The following NPLOC4 variants were observed in gnomAD, a reference collection of about 807,000 sequenced individuals.
NPLOC4 encodes nuclear protein localization protein 4 homolog.
Under a neutral mutation model 80.6 loss-of-function variants are expected in NPLOC4, and 18 were observed. That is an observed-to-expected ratio of 0.22 (90% CI 0.15 to 0.33). The LOEUF (loss-of-function observed/expected upper bound fraction) is 0.33, where lower values mean the gene tolerates loss of function less well. Among genes scored for constraint, NPLOC4 ranks in the 10% least tolerant of loss-of-function variants. NPLOC4 has a pLI of 1.00. For missense variants in NPLOC4, 540 were observed against 786.1 expected (o/e 0.69, Z 3.74); for synonymous variants, 313 against 301.5 (o/e 1.04, Z -0.39).
At chr17:81,618,226 G>A (rs1318289835) in intron 3 of NPLOC4, among the ~76,000 whole-genome samples, 4 of 151,044 alleles carry the variant, frequency 2.6e-5, no homozygotes, top group East Asian at 4.0e-4. Context: ...GCCTCTTTCC[G>A]GCCGCCATCC....
intron 2 of NPLOC4, among the ~76,000 whole-genome samples, chr17:81,625,037 CAA>C (rs920299807): frequency 6.6e-5 from 10 of 152,074 alleles, no homozygotes; most frequent in African/African-American, 2.4e-4. Flanking sequence ...CAATTAGAGA[CAA>C]GAGAGATGGG....
At chr17:81,607,515 G>A (rs901390786) in intron 6 of NPLOC4, among the ~76,000 whole-genome samples, 4 of 152,146 alleles carry the variant, frequency 2.6e-5, no homozygotes, top group African/African-American at 9.7e-5. Flanking sequence ...ACTGTGGAAC[G>A]GCTAAATTGA....
chr17:81,617,330 T>C (rs2144272722), intron 3 of NPLOC4, among the ~76,000 whole-genome samples: 1 of 152,262 alleles, frequency 6.6e-6, no homozygotes, highest in East Asian at 1.9e-4. Flanking sequence ...TGCAGTGCAG[T>C]GGCACAATCA....
At chr17:81,588,544 C>A (rs184193604) in intron 12 of NPLOC4, among the ~76,000 whole-genome samples, 2 of 152,286 alleles carry the variant, frequency 1.3e-5, no homozygotes, top group East Asian at 3.9e-4. Context: ...GACACAGTCT[C>A]GCTATGTTGC....
In NPLOC4 at chr17:81,637,028, G is replaced by T; in HGVS notation, c.-98C>A. 1 of 713,552 alleles carries T rather than the reference G, an allele frequency of 1.4e-6. No homozygotes were observed. Among genetic ancestry groups the T allele is most frequent in the South Asian group, 6.7e-5 (1 of 14,956 alleles). The allele number at this position is 713,552 out of a possible 1,614,324, so 44.2% of individuals were successfully genotyped here. ...GGCCGCGGCCTCAGCCCCGGCCCCG[G>T]CCTCCCTACGCCGCCGCCACCGCCG... On this transcript the variant is annotated 5_prime_UTR_variant, in exon 1 of 17. Coordinates refer to ENST00000331134, the MANE Select transcript of NPLOC4 (RefSeq NM_017921.4).
chr17:81,559,337 C>T lies in NPLOC4; in HGVS notation c.1749G>A (p.Met583Ile). 6.2e-7 allele frequency: 1 copy of T among 1,607,018 alleles called. No individual in the cohort carries two copies. Among genetic ancestry groups the T allele is most frequent in the Non-Finnish European group, 8.5e-7 (1 of 1,177,244 alleles). ...TGAACGTGCAGTGCTGACAGGCCCA[C>T]ATGGCTGCAGTGGCCGTGTGTGTGG... ...GGSTHTATAA[M>I]WACQHCTFMN... Residue 583 changes from methionine (M) to isoleucine (I), a missense_variant, in exon 17 of 17, where the codon ATG becomes ATA. By Grantham distance (10) the Met-to-Ile change is conservative (BLOSUM62 1). Transcript: ENST00000331134.
intron 5 of NPLOC4, 151 bp from the exon 6 acceptor site, chr17:81,608,973 T>A: frequency 1.8e-6 from 1 of 543,878 alleles, no homozygotes; most frequent in Non-Finnish European, 3.3e-6. Flanking sequence ...CCCTTACCAC[T>A]CTGAGTCAGA....
chr17:81,601,425 T>G (rs532647403), intron 8 of NPLOC4, among the ~76,000 whole-genome samples: 1 of 152,176 alleles, frequency 6.6e-6, no homozygotes, highest in Non-Finnish European at 1.5e-5. Context: ...AAGCAAATTT[T>G]TGTGTGTGTA....
rs527612197 is a variant in NPLOC4 at position 81,585,662 on chromosome 17, G to T, written c.1281+3282C>A. ...GGAGACAGAGGAAGACTCCATTTCT[G>T]GGGGGGGGGGGAAAGAAAGAAATCA... On this transcript the variant is annotated intron_variant, in intron 12 of 16. Coordinates refer to ENST00000331134, the MANE Select transcript of NPLOC4 (RefSeq NM_017921.4). 1.1e-4 allele frequency among the ~76,000 whole-genome samples: 13 copies of T among 113,394 alleles called. 1 individual carries two copies. In the East Asian group the frequency reaches 2.9e-3, roughly 26 times the overall value. 74.4% of individuals were successfully genotyped at this position (113,394 alleles called of 152,430 possible). A position where few individuals can be genotyped will look rare whatever the true frequency, so the allele number is the denominator to read the frequency against.
chr17:81,627,187 G>A (rs918869795), intron 2 of NPLOC4, among the ~76,000 whole-genome samples: 5 of 150,510 alleles, frequency 3.3e-5, no homozygotes, highest in African/African-American at 4.9e-5. Flanking sequence ...TCAGGAGATC[G>A]AGACCATCCT....
At chr17:81,578,591 G>C (rs2034360947) in intron 12 of NPLOC4, among the ~76,000 whole-genome samples, 1 of 152,220 alleles carries the variant, frequency 6.6e-6, no homozygotes, top group Admixed American at 6.5e-5. Context: ...GACAGGAGGG[G>C]AAGGGGAAGC....
chr17:81,591,156 T>C (rs997041229), intron 11 of NPLOC4, among the ~76,000 whole-genome samples: 2 of 152,242 alleles, frequency 1.3e-5, no homozygotes, highest in African/African-American at 2.4e-5. Context: ...TGGACTGGGC[T>C]TGGCGCAGTG....
At chr17:81,584,638 C>A (rs758829452) in intron 12 of NPLOC4, among the ~76,000 whole-genome samples, 9 of 152,092 alleles carry the variant, frequency 5.9e-5, no homozygotes, top group South Asian at 2.1e-4. Context: ...AAGGATAATA[C>A]GTGTAGGAAA....
intron 11 of NPLOC4, among the ~76,000 whole-genome samples, chr17:81,591,821 A>G (rs1439900102): frequency 6.6e-6 from 1 of 152,248 alleles, no homozygotes; most frequent in Non-Finnish European, 1.5e-5. Flanking sequence ...CAGTGACAGC[A>G]AAACTTCAGC....
At chr17:81,621,894 C>T (rs1040263201) in intron 3 of NPLOC4, among the ~76,000 whole-genome samples, 12 of 152,222 alleles carry the variant, frequency 7.9e-5, no homozygotes, top group African/African-American at 2.9e-4. Context: ...GCAGCTCACT[C>T]CACGCCGTAC....
At chr17:81,600,465 G>A (rs1269499783) in intron 8 of NPLOC4, 38 bp from the exon 9 acceptor site, 7 of 1,528,156 alleles carry the variant, frequency 4.6e-6, no homozygotes, top group South Asian at 2.3e-5. Flanking sequence ...ACTTAGAGCA[G>A]AGGGCTCAGG....
chr17:81,595,810 C>T lies in NPLOC4; in HGVS notation c.1120+306G>A, dbSNP rs202225283. ...CCACTCACCTGGGCCTCCCAAAGTGCTGGGATTACAGGCGTGAGCCACCAC... is the reference window on the plus strand; with the variant it reads ...CCACTCACCTGGGCCTCCCAAAGTGTTGGGATTACAGGCGTGAGCCACCAC... On this transcript the variant is annotated intron_variant, in intron 11 of 16. Coordinates refer to ENST00000331134, the MANE Select transcript of NPLOC4 (RefSeq NM_017921.4). Among the ~76,000 whole-genome samples the T allele has an allele frequency of 1.2e-4, 19 of 152,266 alleles. No homozygotes were observed. The East Asian group carries it at 3.7e-3, about 29-fold the overall frequency.
chr17:81,613,416 G>A lies in NPLOC4; in HGVS notation c.288C>T (p.Gly96=), dbSNP rs999612410. 1.2e-6 allele frequency: 2 copies of A among 1,613,814 alleles called. No homozygotes were observed. The highest frequency in any genetic ancestry group is 1.3e-5 in the African/African-American group (1 of 74,884). Reference sequence around the variant, plus strand: ...CGTTGGGAGCGCCAAAGACTTTGAAGCCCGGTGGAACTGACGTCTCCATTT... The same window carrying A: ...CGTTGGGAGCGCCAAAGACTTTGAAACCCGGTGGAACTGACGTCTCCATTT... ...SSEMETSVPP[G]FKVFGAPNVV... The change falls in exon 4 of 17, where the codon GGC becomes GGT. Residue 96 remains glycine, a synonymous_variant. Coordinates refer to ENST00000331134, the MANE Select transcript of NPLOC4 (RefSeq NM_017921.4).
chr17:81,630,290 CTTTT>C (rs202138659), intron 1 of NPLOC4, among the ~76,000 whole-genome samples: 30 of 150,246 alleles, frequency 2.0e-4, no homozygotes, highest in Non-Finnish European at 3.3e-4. Context: ...CTAATTGTTA[CTTTT>C]TTTTTGCTTT....
Sources: allele counts gnomAD v4.1 joint callset (sites outside exome capture counted in the v4.1 genomes callset), GRCh38; gene constraint gnomAD v4.1.1; transcripts MANE v1.5; gene names NCBI Gene and HGNC (gene_info 2026-07-23, HGNC 2026-07-21).